PRSS53: variants seen among roughly 807,000 people sequenced by gnomAD.
The protein encoded by PRSS53 is EDTP308.
A neutral mutation model predicts 62.7 loss-of-function variants in PRSS53; 54 were observed. That is an observed-to-expected ratio of 0.86 (90% CI 0.69 to 1.08). The LOEUF (loss-of-function observed/expected upper bound fraction) is 1.08. Among genes scored for constraint, PRSS53 ranks in the 50% least tolerant of loss-of-function variants. The pLI is 0.00. For synonymous variants in PRSS53, 273 were observed against 300.0 expected (o/e 0.91, Z 0.93); for missense variants, 688 against 728.3 (o/e 0.94, Z 0.64).
Position 31,086,260 on chromosome 16 carries a change from C to T in PRSS53, c.663+77G>A. ...GACACCCTCTGATTGCAGGTCTTTC[C>T]CCCAGTCCTGTGAGTCCAACCCCCA... On this transcript the variant is annotated intron_variant, in intron 5 of 10. Transcript: ENST00000280606. 13 of 1,583,888 alleles carry T rather than the reference C, an allele frequency of 8.2e-6. No individual in the cohort carries two copies. In the South Asian group the frequency reaches 1.0e-4, roughly 12 times the overall value.
exon 6 of PRSS53, chr16:31,086,074 A>G: frequency 6.2e-7 from 1 of 1,613,950 alleles, no homozygotes; most frequent in Non-Finnish European, 8.5e-7. Flanking sequence ...TGTGTTGGTC[A>G]GCAGCACAGG....
At position 31,085,318 on chromosome 16, in the gene PRSS53, A is replaced by G. The variant is rs2057221301; in HGVS notation, c.884-58T>C. The G allele has an allele frequency of 4.1e-6, 6 of 1,465,470 alleles. No homozygotes were observed. In the South Asian group the frequency reaches 5.8e-5, roughly 14 times the overall value. 90.8% of individuals were successfully genotyped at this position (1,465,470 alleles called of 1,614,324 possible). A position where few individuals can be genotyped will look rare whatever the true frequency, so the allele number is the denominator to read the frequency against. ...GCTAAGCACTTCCCACTTCCCATCA[A>G]ATCCTCACAGTAGCTTTTGAAATTG... is the stretch of plus-strand genomic sequence containing the variant. On this transcript the variant is annotated intron_variant, in intron 6 of 10. Coordinates refer to ENST00000280606, the Ensembl canonical transcript of PRSS53.
At chr16:31,083,565 G>T in exon 11 of PRSS53, 1 of 1,436,312 alleles carries the variant, frequency 7.0e-7, no homozygotes, top group Non-Finnish European at 9.2e-7. Context: ...AAGCTGAGAC[G>T]CCTGCTTGGT....
Position 31,087,831 on chromosome 16 carries a change from GAA to G in PRSS53, c.59-7_59-6del, listed in dbSNP as rs1351305440. On this transcript the variant is annotated splice_region_variant and splice_polypyrimidine_tract_variant and intron_variant, in intron 1 of 10. Transcript: ENST00000280606. Reference sequence around the variant, plus strand: ...CACGCTGAGCGGCTTGAAGACCTGGGAAGAGAGAGACACAGGTAAGATGCAGG... The same window carrying G: ...CACGCTGAGCGGCTTGAAGACCTGGGGAGAGAGACACAGGTAAGATGCAGG... 1.2e-6 allele frequency: 2 copies of G among 1,613,872 alleles called. No individual in the cohort carries two copies. The highest frequency in any genetic ancestry group is 1.7e-6 in the Non-Finnish European group (2 of 1,179,996).
chr16:31,087,890 A>G (rs1360404055), intron 1 of PRSS53, 64 bp from the exon 2 acceptor site: 122 of 1,603,198 alleles, frequency 7.6e-5, no homozygotes, highest in Non-Finnish European at 9.6e-5. Flanking sequence ...TGGGGAGGAG[A>G]GGGGATGGGC....
intron 1 of PRSS53, 90 bp downstream of exon 1, chr16:31,088,662 C>T (rs1304928237): frequency 1.9e-6 from 3 of 1,594,828 alleles, no homozygotes; most frequent in Non-Finnish European, 2.6e-6. Flanking sequence ...CACAGGCGGT[C>T]CCCCCACCAA....
chr16:31,083,933 T>C, intron 10 of PRSS53, 124 bp from the exon 11 acceptor site: 1 of 1,536,082 alleles, frequency 6.5e-7, no homozygotes. Context: ...ATACTGAGGC[T>C]CAAAGCGGTT....
exon 11 of PRSS53, chr16:31,083,565 G>A (rs2057193709): frequency 4.9e-6 from 7 of 1,436,310 alleles, no homozygotes; most frequent in South Asian, 1.5e-5. Flanking sequence ...AAGCTGAGAC[G>A]CCTGCTTGGT....
intron 6 of PRSS53, 83 bp downstream of exon 6, chr16:31,085,881 G>T: frequency 7.8e-7 from 1 of 1,285,646 alleles, no homozygotes; most frequent in Non-Finnish European, 1.1e-6. Context: ...TCGGCGGTGT[G>T]GATGCCTATG....
rs1252832020 is a variant in PRSS53, at chr16:31,087,182, A to G, written c.243-284T>C. 3 of 518,900 alleles carry G rather than the reference A, an allele frequency of 5.8e-6. No individual in the cohort carries two copies. In the Admixed American group the frequency reaches 1.1e-4, roughly 19 times the overall value. The allele number at this position is 518,900 out of a possible 1,614,324, so 32.1% of individuals were successfully genotyped here. A position where few individuals can be genotyped will look rare whatever the true frequency, so the allele number is the denominator to read the frequency against. ...CTGGCTAATTTTACAGTTTTTGTAGAGACATGGTCTTGCTATGTTGCACAG... is the reference window on the plus strand; with the variant it reads ...CTGGCTAATTTTACAGTTTTTGTAGGGACATGGTCTTGCTATGTTGCACAG... On this transcript the variant is annotated intron_variant, in intron 3 of 10. Coordinates refer to ENST00000280606, the Ensembl canonical transcript of PRSS53.
At chr16:31,083,489 CAAA>C in exon 11 of PRSS53, 15 of 1,326,650 alleles carry the variant, frequency 1.1e-5, no homozygotes, top group Non-Finnish European at 1.4e-5. Context: ...TGCTGCCCCC[CAAA>C]AAAAGAAATT....
At chr16:31,087,938 T>A (rs1032035614) in intron 1 of PRSS53, 112 bp from the exon 2 acceptor site, 3 of 1,558,316 alleles carry the variant, frequency 1.9e-6, no homozygotes, top group Non-Finnish European at 2.6e-6. Flanking sequence ...GTGACTCTGA[T>A]TACCTTACCA....
At chr16:31,086,814 C>T (rs770365663) in exon 4 of PRSS53, 5 of 1,613,696 alleles carry the variant, frequency 3.1e-6, no homozygotes, top group Admixed American at 1.7e-5. Flanking sequence ...CAGCCACCCC[C>T]ACCTCTTCGG....
At chr16:31,084,967 G>C in exon 8 of PRSS53, 1 of 1,559,596 alleles carries the variant, frequency 6.4e-7, no homozygotes, top group South Asian at 1.2e-5. Flanking sequence ...GCTGCTTCAG[G>C]CCCCACTCCT....
At chr16:31,086,546 A>G in intron 4 of PRSS53, 55 bp from the exon 5 acceptor site, 2 of 1,575,252 alleles carry the variant, frequency 1.3e-6, no homozygotes, top group African/African-American at 1.3e-5. Flanking sequence ...AGCAAGGGAG[A>G]CTGGAAGCCA....
At chr16:31,088,439 A>C (rs1365450709) in intron 1 of PRSS53, 2 of 1,259,480 alleles carry the variant, frequency 1.6e-6, no homozygotes, top group Non-Finnish European at 1.0e-6. Context: ...AGGCCAGAGG[A>C]GCCCAGAGTT....
chr16:31,085,083 C>T (rs1354243751), intron 7 of PRSS53, 27 bp downstream of exon 7: 5 of 1,612,566 alleles, frequency 3.1e-6, no homozygotes, highest in Admixed American at 1.7e-5. Flanking sequence ...GGGCAGGGGG[C>T]ACAGCAGAGA....
intron 1 of PRSS53, 47 bp downstream of exon 1, chr16:31,088,703 CCT>C: frequency 1.2e-6 from 2 of 1,611,006 alleles, no homozygotes; most frequent in Admixed American, 1.7e-5. Context: ...AGAGATGGCC[CCT>C]GAGCCCCCAC....
In PRSS53 at chr16:31,087,624, G is replaced by A. The variant is rs373822340; in HGVS notation, c.155C>T (p.Ala52Val). ...GTGGGCTCCTTGCCTCCTCACACTG[G>A]CCTGCCAGGGCCACTCGCCAGGGAC... The change falls in exon 3 of 11, where the codon GCC becomes GTC. Residue 52 changes from alanine to valine, a missense_variant. By Grantham distance (64) the Ala-to-Val change is moderately conservative (BLOSUM62 0). Coordinates refer to ENST00000280606, the Ensembl canonical transcript of PRSS53. 6 of 1,609,956 alleles carry A rather than the reference G, an allele frequency of 3.7e-6. No homozygotes were observed. In the African/African-American group the frequency reaches 6.7e-5, roughly 18 times the overall value.
Sources: allele counts gnomAD v4.1 joint callset, GRCh38; gene constraint gnomAD v4.1.1; transcripts MANE v1.5; gene names NCBI Gene and HGNC (gene_info 2026-07-23, HGNC 2026-07-21).